Variants in COL28A1 observed in about 807,000 individuals in gnomAD.
COL28A1 encodes collagen type XXVIII alpha 1 chain.
In COL28A1, 161 loss-of-function variants were observed where a neutral mutation model predicts 150.2. The ratio of observed to expected loss-of-function variants is 1.07; its 90% CI spans 0.94 to 1.22. The LOEUF is 1.22. Ranked by LOEUF, COL28A1 falls within the 50% of genes most tolerant of loss-of-function variation. The pLI is 0.00. For missense variants in COL28A1, 1,617 were observed against 1,388.3 expected (o/e 1.16, Z -2.62); for synonymous variants, 552 against 469.7 (o/e 1.18, Z -2.26).
At chr7:7,517,068 T>C (rs1301424688) in intron 7 of COL28A1, among the ~76,000 whole-genome samples, 2 of 152,220 alleles carry the variant, frequency 1.3e-5, no homozygotes, top group East Asian at 1.9e-4. Flanking sequence ...ATATGTAGAA[T>C]ATACCTAAGA....
intron 33 of COL28A1, among the ~76,000 whole-genome samples, chr7:7,361,638 CTTT>C (rs1336722411): frequency 6.6e-6 from 1 of 152,128 alleles, no homozygotes; most frequent in African/African-American, 2.4e-5. Context: ...TAAATGTCTT[CTTT>C]TGAGAAGTAT....
chr7:7,349,167 G>A, the COL28A1 span, among the ~76,000 whole-genome samples: 182 of 152,196 alleles, frequency 1.2e-3, 1 homozygote, highest in African/African-American at 4.2e-3. Context: ...AAATATTTAA[G>A]AGTTTTCCAA....
At chr7:7,489,033 T>G (rs1346888619) in intron 13 of COL28A1, among the ~76,000 whole-genome samples, 1 of 152,162 alleles carries the variant, frequency 6.6e-6, no homozygotes, top group Non-Finnish European at 1.5e-5. Context: ...GTTGGGAGGC[T>G]GAGGTGGGTG....
chr7:7,373,595 AGATTGTT>A lies in COL28A1; in HGVS notation c.2360-56_2360-50del. 3 of 1,502,524 alleles carry A rather than the reference AGATTGTT, an allele frequency of 2.0e-6. No homozygotes were observed. Among genetic ancestry groups the A allele is most frequent in the Non-Finnish European group, 2.7e-6 (3 of 1,099,742 alleles). The allele number at this position is 1,502,524 out of a possible 1,614,324, so 93.1% of individuals were successfully genotyped here. On this transcript the variant is annotated intron_variant, in intron 31 of 34. Coordinates refer to ENST00000399429, the MANE Select transcript of COL28A1 (RefSeq NM_001037763.3). This position sits in a 1 kb window ranked among gnomAD's most constrained non-coding sequence, Gnocchi z 4.1. ...AAAAATTGTGGGAATGATTGACATC[AGATTGTT>A]GAGGGGAGGGGAGAAAAAGTCAATG... is the stretch of plus-strand genomic sequence containing the variant.
chr7:7,364,578 C>A (rs1780836797), intron 33 of COL28A1, among the ~76,000 whole-genome samples: 1 of 152,176 alleles, frequency 6.6e-6, no homozygotes, highest in Non-Finnish European at 1.5e-5. Context: ...TCTAACCACC[C>A]CTTTGAGCTA....
chr7:7,490,789 C>T, intron 11 of COL28A1, 143 bp from the exon 12 acceptor site: 1 of 459,074 alleles, frequency 2.2e-6, no homozygotes. Context: ...CAATTGTTTA[C>T]AACTCATTTG....
At chr7:7,511,162 A>G (rs1310119063) in intron 8 of COL28A1, 27 bp from the exon 9 acceptor site, 1 of 1,556,156 alleles carries the variant, frequency 6.4e-7, no homozygotes, top group Non-Finnish European at 8.9e-7. Context: ...TGAAATAAAT[A>G]AGAGAACACT....
chr7:7,521,825 A>AG, intron 5 of COL28A1, 80 bp downstream of exon 5: 2 of 811,946 alleles, frequency 2.5e-6, no homozygotes, highest in South Asian at 2.7e-5. Flanking sequence ...AGTGCAAAAT[A>AG]GCCCCGATGT....
chr7:7,412,473 A>G (rs1183376886), intron 27 of COL28A1, among the ~76,000 whole-genome samples: 1 of 152,142 alleles, frequency 6.6e-6, no homozygotes, highest in Non-Finnish European at 1.5e-5. Flanking sequence ...AAATCACTTG[A>G]GTATTAGAAT....
intron 27 of COL28A1, among the ~76,000 whole-genome samples, chr7:7,384,711 C>A (rs1782080748): frequency 6.6e-6 from 1 of 152,178 alleles, no homozygotes; most frequent in Admixed American, 6.6e-5. Flanking sequence ...GGAGGGACTA[C>A]TGTAATCTTT....
chr7:7,360,219 A>G (rs974303012), intron 34 of COL28A1, among the ~76,000 whole-genome samples, 171 bp downstream of exon 34: 27 of 152,348 alleles, frequency 1.8e-4, no homozygotes, highest in South Asian at 2.1e-4. Flanking sequence ...AGTGAAAACT[A>G]TATTTTGTCC....
chr7:7,487,855 C>G (rs1779711461), intron 13 of COL28A1, among the ~76,000 whole-genome samples: 1 of 152,128 alleles, frequency 6.6e-6, no homozygotes, highest in Non-Finnish European at 1.5e-5. Context: ...TGAGTGGTTT[C>G]TGCCTATTGG....
Position 7,388,759 on chromosome 7 carries a change from A to G in COL28A1, c.2137-7147T>C, listed in dbSNP as rs116080812. Among the ~76,000 whole-genome samples, 276 of 152,314 alleles carry G rather than the reference A, an allele frequency of 1.8e-3. 2 individuals carry two copies. The highest frequency in any genetic ancestry group is 5.8e-3 in the African/African-American group (240 of 41,566). On this transcript the variant is annotated intron_variant, in intron 27 of 34. Transcript: ENST00000399429. ...GATTGGCATTTCTCTAATGACAGTG[A>G]TGATGAGCTTTTTTTCACGTTTGCT...
At chr7:7,444,338 T>A in intron 19 of COL28A1, 80 bp downstream of exon 19, 2 of 1,588,474 alleles carry the variant, frequency 1.3e-6, no homozygotes, top group Non-Finnish European at 1.7e-6. Flanking sequence ...CTGAATGGTT[T>A]TATTCGAGCT....
intron 15 of COL28A1, among the ~76,000 whole-genome samples, chr7:7,457,071 G>T (rs1787227554): frequency 6.6e-6 from 1 of 152,202 alleles, no homozygotes; most frequent in African/African-American, 2.4e-5. Context: ...CCATGAGGGA[G>T]AGCGGTAGAC....
chr7:7,366,996 A>C (rs1780966555), intron 33 of COL28A1, among the ~76,000 whole-genome samples: 3 of 152,234 alleles, frequency 2.0e-5, no homozygotes, highest in Admixed American at 1.3e-4. Flanking sequence ...ATGTCTGTGC[A>C]GTCAAGTGCT....
intron 30 of COL28A1, among the ~76,000 whole-genome samples, chr7:7,379,989 G>C (rs550285870): frequency 6.6e-6 from 1 of 152,040 alleles, no homozygotes; most frequent in African/African-American, 2.4e-5. Context: ...CTAGTACATC[G>C]AATCAGCCCC....
Position 7,428,671 on chromosome 7 carries a change from G to T in COL28A1, c.1998+3802C>A, listed in dbSNP as rs562064490. Among the ~76,000 whole-genome samples, 8 of 152,320 alleles carry T rather than the reference G, an allele frequency of 5.3e-5. No homozygotes were observed. In the South Asian group the frequency reaches 1.2e-3, roughly 24 times the overall value. On this transcript the variant is annotated intron_variant, in intron 25 of 34. Coordinates refer to ENST00000399429, the MANE Select transcript of COL28A1 (RefSeq NM_001037763.3). ...CTTGGAGCTTGGCTTCCCCATCAAC[G>T]AGCCAGGAGATTGGATCCAGGAGTG...
Position 7,383,739 on chromosome 7 carries a change from C to T in COL28A1, c.2137-2127G>A, listed in dbSNP as rs998787116. ...TTCTAATTTGTTGATCGTCTCTCTG[C>T]TATAAAGTATTTCATTAAATAACTG... On this transcript the variant is annotated intron_variant, in intron 27 of 34. Transcript: ENST00000399429. Among the ~76,000 whole-genome samples, 18 of 134,516 alleles carry T rather than the reference C, an allele frequency of 1.3e-4. No individual in the cohort carries two copies. In the East Asian group the frequency reaches 4.3e-3, roughly 32 times the overall value. 88.2% of individuals were successfully genotyped at this position (134,516 alleles called of 152,430 possible). A position where few individuals can be genotyped will look rare whatever the true frequency, so the allele number is the denominator to read the frequency against.
Sources: allele counts gnomAD v4.1 joint callset (sites outside exome capture counted in the v4.1 genomes callset), GRCh38; gene constraint gnomAD v4.1.1; non-coding constraint Gnocchi (gnomAD v3.1); transcripts MANE v1.5; gene names NCBI Gene and HGNC (gene_info 2026-07-23, HGNC 2026-07-21).